Variants in CLPX observed in about 807,000 individuals in gnomAD.
CLPX encodes caseinolytic mitochondrial matrix peptidase chaperone subunit X.
In CLPX, 34 loss-of-function variants were observed where a neutral mutation model predicts 76.4. The ratio of observed to expected loss-of-function variants is 0.45; its 90% CI spans 0.34 to 0.59. CLPX has a LOEUF of 0.59. Among genes scored for constraint, CLPX ranks in the 20% least tolerant of loss-of-function variants. The pLI is 0.01. For synonymous variants in CLPX, 248 were observed against 270.9 expected (o/e 0.92, Z 0.83); for missense variants, 613 against 757.0 (o/e 0.81, Z 2.23).
chr15:65,167,036 C>T (rs1310486096), intron 3 of CLPX, among the ~76,000 whole-genome samples: 2 of 152,102 alleles, frequency 1.3e-5, no homozygotes, highest in Non-Finnish European at 2.9e-5. Context: ...GAAAAGATTG[C>T]GTGAAATTTT....
chr15:65,166,755 C>T lies in CLPX; in HGVS notation c.389G>A (p.Cys130Tyr). The T allele has an allele frequency of 1.2e-6, 2 of 1,613,536 alleles. No homozygotes were observed. Among genetic ancestry groups the T allele is most frequent in the Non-Finnish European group, 1.7e-6 (2 of 1,179,840 alleles). Residue 130 changes from cysteine (C) to tyrosine (Y), a missense_variant, in exon 4 of 14, where the codon TGT (cysteine) becomes TAT (tyrosine). By Grantham distance (194) the Cys-to-Tyr change is radical. Coordinates refer to ENST00000300107, the MANE Select transcript of CLPX (RefSeq NM_006660.5). ...AGATAGCACAACAAAAAAATGATGA[C>T]ACTTTTCACACTTGACAAAACGGGT... Reference protein sequence around the residue: ...SSTRFVKCEKCHHFFVVLSEA... With the variant: ...SSTRFVKCEKYHHFFVVLSEA...
intron 3 of CLPX, among the ~76,000 whole-genome samples, chr15:65,173,215 C>G (rs2088036162): frequency 6.6e-6 from 1 of 151,770 alleles, no homozygotes; most frequent in African/African-American, 2.4e-5. Context: ...ACTAAAAATA[C>G]AAAAATCAGC....
intron 6 of CLPX, 44 bp downstream of exon 6, chr15:65,162,560 T>A (rs1018413053): frequency 7.3e-7 from 1 of 1,361,416 alleles, no homozygotes; most frequent in Admixed American, 1.8e-5. Flanking sequence ...GAAATAAATG[T>A]CAAAAGGAAG....
chr15:65,171,550 A>G (rs2088007511), intron 3 of CLPX, among the ~76,000 whole-genome samples: 1 of 152,230 alleles, frequency 6.6e-6, no homozygotes. Context: ...ATGCTTAAAG[A>G]AAAAGATCAA....
At chr15:65,184,970 C>T in intron 1 of CLPX, 105 bp downstream of exon 1, 2 of 943,614 alleles carry the variant, frequency 2.1e-6, no homozygotes, top group South Asian at 1.4e-5. Context: ...CCCTCACACT[C>T]CCCGGGTGCA....
chr15:65,159,522 A>T (rs1375026431), intron 6 of CLPX, among the ~76,000 whole-genome samples: 5 of 152,166 alleles, frequency 3.3e-5, no homozygotes, highest in African/African-American at 1.2e-4. Flanking sequence ...AGGCAGGAGA[A>T]TTGCTTGAAC....
At chr15:65,180,590 T>G (rs1225587682) in intron 1 of CLPX, among the ~76,000 whole-genome samples, 1 of 152,126 alleles carries the variant, frequency 6.6e-6, no homozygotes, top group Non-Finnish European at 1.5e-5. Context: ...TGACAGCAAC[T>G]CATCTGTTAT....
At chr15:65,152,170 C>T (rs997514391) in intron 13 of CLPX, among the ~76,000 whole-genome samples, 5 of 152,156 alleles carry the variant, frequency 3.3e-5, no homozygotes, top group East Asian at 3.9e-4. Flanking sequence ...CCTCGTGATC[C>T]GCCCACCTCG....
chr15:65,166,753 G>A lies in CLPX; in HGVS notation c.391C>T (p.His131Tyr). The A allele has an allele frequency of 6.2e-7, 1 of 1,613,864 alleles. No homozygotes were observed. The highest frequency in any genetic ancestry group is 8.5e-7 in the Non-Finnish European group (1 of 1,179,914). Residue 131 changes from histidine to tyrosine, a missense_variant, in exon 4 of 14, where the codon CAT (histidine) becomes TAT (tyrosine). Physicochemically the swap from His to Tyr is moderately conservative, Grantham distance 83. Transcript: ENST00000300107. The part of the protein sequence containing the change: ...STRFVKCEKC[H>Y]HFFVVLSEAD... ...TCAGATAGCACAACAAAAAAATGAT[G>A]ACACTTTTCACACTTGACAAAACGG...
In CLPX at chr15:65,156,833, C is replaced by T. The variant is rs369585548; in HGVS notation, c.1146+11G>A. Reference sequence around the variant, plus strand: ...TTTTAGTGGGCTTGAACAAAATACTCAACTGCTTACTTGCTGAACGCCTTC... The same window carrying T: ...TTTTAGTGGGCTTGAACAAAATACTTAACTGCTTACTTGCTGAACGCCTTC... On this transcript the variant is annotated intron_variant, in intron 9 of 13. Coordinates refer to ENST00000300107, the MANE Select transcript of CLPX (RefSeq NM_006660.5). The T allele has an allele frequency of 2.6e-5, 41 of 1,595,398 alleles. No homozygotes were observed. The Middle Eastern group carries it at 6.6e-4, about 26-fold the overall frequency.
At chr15:65,167,568 T>C (rs2087932839) in intron 3 of CLPX, among the ~76,000 whole-genome samples, 1 of 152,118 alleles carries the variant, frequency 6.6e-6, no homozygotes, top group Non-Finnish European at 1.5e-5. Context: ...GTATATTCTT[T>C]ACATTCTCTT....
In CLPX at chr15:65,150,882, ACTC is replaced by A; in HGVS notation, c.1840_1842del (p.Glu614del). On this transcript the variant is annotated inframe_deletion, in exon 14 of 14. Coordinates refer to ENST00000300107, the MANE Select transcript of CLPX (RefSeq NM_006660.5). ...CCTTCTTCTTCAACTCCAGAGTCAT[ACTC>A]CTCTTCAGAGGATTCTTTTGTTGGA... is the stretch of plus-strand genomic sequence containing the variant. 6.2e-7 allele frequency: 1 copy of A among 1,611,764 alleles called. No individual in the cohort carries two copies. Among genetic ancestry groups the A allele is most frequent in the Non-Finnish European group, 8.5e-7 (1 of 1,178,912 alleles).
chr15:65,152,938 A>G (rs1026275338), intron 12 of CLPX, among the ~76,000 whole-genome samples: 3 of 149,420 alleles, frequency 2.0e-5, no homozygotes, highest in Non-Finnish European at 4.4e-5. Context: ...GTTTTGAGAG[A>G]TGAGGGTGTA....
Position 65,155,763 on chromosome 15 carries a change from T to C in CLPX, c.1240A>G (p.Asn414Asp). ...RGETVQVDTT[N>D]ILFVASGAFN... ...GCACCAGATGCCACAAACAGGATGT[T>C]TGTTGTATCAACTTGAACTGTTTCT... Residue 414 changes from asparagine (N) to aspartate (D), a missense_variant, in exon 10 of 14, where the codon AAC becomes GAC. Around this residue, in one of 2 missense-constraint regions of CLPX, gnomAD observed 450 missense variants for 638.6 expected, o/e 0.70. Coordinates refer to ENST00000300107, the MANE Select transcript of CLPX (RefSeq NM_006660.5). 1 of 1,614,106 alleles carries C rather than the reference T, an allele frequency of 6.2e-7. No individual in the cohort carries two copies.
At chr15:65,156,729 G>C in intron 9 of CLPX, 115 bp downstream of exon 9, 1 of 603,488 alleles carries the variant, frequency 1.7e-6, no homozygotes, top group Non-Finnish European at 2.9e-6. Context: ...TGGAGTTTGG[G>C]GGCGGAAGAA....
chr15:65,185,086 G>T lies in CLPX; in HGVS notation c.68C>A (p.Ser23Tyr). ...AVRLITSSLA[S>Y]AQRGISGGRI... is the part of the protein sequence containing the mutation. ...CACTATTTCGTTACCTCTCTGCGCGGAGGCGAGTGAGGAGGTGATGAGCCG... is the reference window on the plus strand; with the variant it reads ...CACTATTTCGTTACCTCTCTGCGCGTAGGCGAGTGAGGAGGTGATGAGCCG... The change falls in exon 1 of 14, where the codon TCC becomes TAC. Residue 23 changes from serine (S) to tyrosine (Y), a missense_variant. Coordinates refer to ENST00000300107, the MANE Select transcript of CLPX (RefSeq NM_006660.5). 6.3e-7 allele frequency: 1 copy of T among 1,580,350 alleles called. No individual in the cohort carries two copies. The highest frequency in any genetic ancestry group is 8.6e-7 in the Non-Finnish European group (1 of 1,164,052).
intron 6 of CLPX, among the ~76,000 whole-genome samples, chr15:65,159,837 G>A (rs1427963619): frequency 6.8e-6 from 1 of 147,742 alleles, no homozygotes; most frequent in Non-Finnish European, 1.5e-5. Flanking sequence ...TTTTGAGACA[G>A]AGTCTCTCTC....
intron 7 of CLPX, chr15:65,158,164 A>G: frequency 2.8e-6 from 1 of 360,868 alleles, no homozygotes; most frequent in Non-Finnish European, 5.0e-6. Flanking sequence ...TCAGGACTAC[A>G]GGCATGTGCT....
intron 5 of CLPX, among the ~76,000 whole-genome samples, chr15:65,163,094 T>C (rs1488088527): frequency 1.3e-5 from 2 of 152,120 alleles, no homozygotes; most frequent in African/African-American, 4.8e-5. Context: ...CCCAGCACTT[T>C]GGGAGGCTGA....
Sources: gnomAD v4.1 joint callset for allele counts (sites outside exome capture counted in the v4.1 genomes callset) on GRCh38, gnomAD v4.1.1 for gene constraint, gnomAD v4.1.1 regional missense constraint, MANE v1.5 for transcripts, NCBI Gene and HGNC (gene_info 2026-07-23, HGNC 2026-07-21) for gene names.